ZNF91: variants seen among roughly 807,000 people sequenced by gnomAD.
ZNF91 encodes the protein zinc finger protein 91.
ZNF91 carries 7 observed loss-of-function variants against 12.6 expected under a neutral mutation model. The observed-to-expected ratio is 0.55, with a 90% confidence interval of 0.31 to 1.04. ZNF91 has a LOEUF of 1.04. Ranked by LOEUF, ZNF91 falls within the 50% of genes least tolerant of loss-of-function variation. ZNF91 has a pLI of 0.05. For missense variants in ZNF91, 1,217 were observed against 1,385.4 expected, an observed-to-expected ratio of 0.88 and a Z score of 1.93; for synonymous variants, 453 against 462.6, an observed-to-expected ratio of 0.98 and a Z score of 0.27.
chr19:23,310,332 T>G (rs1967452312), intron 1 of ZNF91, among the ~76,000 whole-genome samples: 1 of 152,146 alleles, frequency 6.6e-6, no homozygotes, highest in Non-Finnish European at 1.5e-5. Context: ...CTGGAGACAG[T>G]CAAAAGTTGG....
Position 23,362,374 on chromosome 19 carries a change from CA to C in ZNF91, c.604del (p.Cys202AlafsTer57), listed in dbSNP as rs1568386783. 2.5e-6 allele frequency: 4 copies of C among 1,613,572 alleles called. No individual in the cohort carries two copies. The highest frequency in any genetic ancestry group is 3.4e-6 in the Non-Finnish European group (4 of 1,179,888). On this transcript the variant is annotated frameshift_variant, in exon 4 of 4. Transcript: ENST00000300619. LOFTEE classifies it low-confidence loss of function (END_TRUNC). ...CIRLHKTQHK[C>X]VYITEKSCKC... ...ACAGGACTTCTCTGTAATATAAACGCATTTATGTTGGGTTTTGTGTAAACGG... is the reference window on the plus strand; with the variant it reads ...ACAGGACTTCTCTGTAATATAAACGCTTTATGTTGGGTTTTGTGTAAACGG...
upstream of ZNF91, among the ~76,000 whole-genome samples, chr19:23,311,081 G>A (rs1435730787): frequency 6.6e-6 from 1 of 152,158 alleles, no homozygotes; most frequent in Non-Finnish European, 1.5e-5. Flanking sequence ...CTTTTGCCAG[G>A]ACCTGGGTCA....
chr19:23,322,776 CCT>C (rs1201422684), intron 1 of ZNF91, among the ~76,000 whole-genome samples: 1 of 143,330 alleles, frequency 7.0e-6, no homozygotes, highest in Non-Finnish European at 1.5e-5. Context: ...TTCTTTCTCC[CCT>C]CTTCTTCCTC....
chr19:23,323,037 CTTTT>C (rs150258370), intron 1 of ZNF91, among the ~76,000 whole-genome samples: 21,392 of 84,050 alleles, frequency 0.25, 2,508 homozygotes, highest in African/African-American at 0.29. Flanking sequence ...GTCCTTTCTC[CTTTT>C]TGTTTCCTCC....
downstream of ZNF91, among the ~76,000 whole-genome samples, chr19:23,335,820 G>A (rs1382104937): frequency 6.6e-6 from 1 of 152,166 alleles, no homozygotes; most frequent in Non-Finnish European, 1.5e-5. Flanking sequence ...TCCATGGGCT[G>A]CACCCACTGT....
chr19:23,347,319 C>A (rs1294873522), intron 3 of ZNF91, among the ~76,000 whole-genome samples: 2 of 152,186 alleles, frequency 1.3e-5, no homozygotes, highest in Non-Finnish European at 2.9e-5. Context: ...AAAAAACACT[C>A]CTGTCATAAA....
upstream of ZNF91, among the ~76,000 whole-genome samples, chr19:23,310,939 T>C (rs975219983): frequency 2.0e-5 from 3 of 152,230 alleles, no homozygotes; most frequent in Non-Finnish European, 4.4e-5. Flanking sequence ...GTTGAGTTTC[T>C]TGCTTGGACC....
intron 1 of ZNF91, among the ~76,000 whole-genome samples, chr19:23,388,646 C>A (rs1239195092): frequency 1.3e-5 from 2 of 152,114 alleles, no homozygotes; most frequent in Non-Finnish European, 2.9e-5. Context: ...CCAAGGCAGG[C>A]AAATCACCTG....
chr19:23,327,041 T>A (rs1161609737), intron 1 of ZNF91: 1 of 152,186 alleles, frequency 6.6e-6, no homozygotes, highest in South Asian at 2.1e-4. Flanking sequence ...TGTGAACCCG[T>A]TTTCTCTACT....
chr19:23,311,543 G>A (rs1213140855), upstream of ZNF91, among the ~76,000 whole-genome samples: 2 of 151,810 alleles, frequency 1.3e-5, no homozygotes, highest in Admixed American at 1.3e-4. Flanking sequence ...GGATATTTAG[G>A]GTATTGTGAC....
chr19:23,373,382 A>G (rs1019318894), intron 3 of ZNF91, among the ~76,000 whole-genome samples: 6 of 73,088 alleles, frequency 8.2e-5, no homozygotes, highest in African/African-American at 2.7e-4. Flanking sequence ...ATATATATAT[A>G]TATAAATAAA....
At chr19:23,329,774 T>C (rs1222546419) in intron 1 of ZNF91, among the ~76,000 whole-genome samples, 1 of 152,196 alleles carries the variant, frequency 6.6e-6, no homozygotes, top group African/African-American at 2.4e-5. Flanking sequence ...GCAAACAAAA[T>C]AGTGATGTTG....
chr19:23,381,526 A>G (rs1969715736), intron 1 of ZNF91, among the ~76,000 whole-genome samples: 2 of 146,466 alleles, frequency 1.4e-5, no homozygotes, highest in Admixed American at 1.4e-4. Context: ...CAACGGCATG[A>G]TCTCGGCTCA....
At chr19:23,335,275 G>T (rs1032818663), downstream of ZNF91, among the ~76,000 whole-genome samples, 8 of 152,192 alleles carry the variant, frequency 5.3e-5, no homozygotes, top group African/African-American at 1.9e-4. Context: ...GGGGGTCAGG[G>T]AGCCACTTGA....
intron 1 of ZNF91, among the ~76,000 whole-genome samples, chr19:23,382,683 T>C (rs1021814623): frequency 4.6e-5 from 7 of 152,076 alleles, no homozygotes; most frequent in Non-Finnish European, 7.4e-5. Context: ...CACAGAGATA[T>C]TACCACTGAC....
At chr19:23,331,836 ATTAT>A (rs1967933704) in intron 1 of ZNF91, among the ~76,000 whole-genome samples, 1 of 152,174 alleles carries the variant, frequency 6.6e-6, no homozygotes, top group African/African-American at 2.4e-5. Flanking sequence ...TTTAGAGATT[ATTAT>A]TTATTTCATT....
chr19:23,336,833 G>C (rs1968018375), downstream of ZNF91, among the ~76,000 whole-genome samples: 1 of 152,120 alleles, frequency 6.6e-6, no homozygotes, highest in Non-Finnish European at 1.5e-5. Flanking sequence ...GCAGTGGCGT[G>C]ATCTCCGCCC....
At chr19:23,323,880 A>G (rs199891194) in intron 1 of ZNF91, 10 of 87,504 alleles carry the variant, frequency 1.1e-4, no homozygotes, top group African/African-American at 4.9e-4. Context: ...TTCGTTTCCT[A>G]TTTTTTCTCC....
intron 1 of ZNF91, chr19:23,324,746 TTC>T (rs1442246295): frequency 6.6e-6 from 1 of 152,052 alleles, no homozygotes; most frequent in Non-Finnish European, 1.5e-5. Context: ...CCTGACTAAA[TTC>T]TTTTTTAGTG....
Sources: allele counts gnomAD v4.1 joint callset (sites outside exome capture counted in the v4.1 genomes callset), GRCh38; gene constraint gnomAD v4.1.1; transcripts MANE v1.5; gene names NCBI Gene and HGNC (gene_info 2026-07-23, HGNC 2026-07-21).